The following PRMT8 variants were observed in gnomAD, a reference collection of about 807,000 sequenced individuals.
PRMT8 encodes protein arginine N-methyltransferase 8.
A neutral mutation model predicts 47.1 loss-of-function variants in PRMT8; 7 were observed. The ratio of observed to expected loss-of-function variants is 0.15; its 90% CI spans 0.08 to 0.28. The LOEUF is 0.28. Among genes scored for constraint, PRMT8 ranks in the 10% least tolerant of loss-of-function variants. The pLI is 1.00. For synonymous variants in PRMT8, 188 were observed against 186.5 expected, an observed-to-expected ratio of 1.01 and a Z score of -0.07; for missense variants, 237 against 505.4, an observed-to-expected ratio of 0.47 and a Z score of 5.09.
At position 3,533,181 on chromosome 12, in the gene PRMT8, A is replaced by G. The variant is rs147063974; in HGVS notation, c.76-7425A>G. 8.9e-3 allele frequency among the ~76,000 whole-genome samples: 1,356 copies of G among 152,322 alleles called. 12 individuals are homozygous for G. The highest frequency in any genetic ancestry group is 0.03 in the African/African-American group (1,237 of 41,564). On this transcript the variant is annotated intron_variant, in intron 1 of 9. Coordinates refer to ENST00000382622, the MANE Select transcript of PRMT8 (RefSeq NM_019854.5). Reference sequence around the variant, plus strand: ...GACAGGCATCAGTGGCTTGCCCCCAACATCCAGGCCTGGAAAAGGCAGATC... The same window carrying G: ...GACAGGCATCAGTGGCTTGCCCCCAGCATCCAGGCCTGGAAAAGGCAGATC...
At chr12:3,536,042 G>A (rs1866112199) in intron 1 of PRMT8, among the ~76,000 whole-genome samples, 1 of 152,100 alleles carries the variant, frequency 6.6e-6, no homozygotes, top group South Asian at 2.1e-4. Context: ...TATATCTCTT[G>A]GAGATGCATC....
At chr12:3,460,050 A>G (rs532630896) in intron 1 of PRMT8, among the ~76,000 whole-genome samples, 1 of 152,202 alleles carries the variant, frequency 6.6e-6, no homozygotes, top group African/African-American at 2.4e-5. Flanking sequence ...TTACTTTTCT[A>G]TGATCCCTCT....
At chr12:3,561,008 C>T (rs1866627198) in intron 4 of PRMT8, among the ~76,000 whole-genome samples, 1 of 152,140 alleles carries the variant, frequency 6.6e-6, no homozygotes, top group African/African-American at 2.4e-5. Flanking sequence ...TGATTCTTGG[C>T]CACACACTCC....
At chr12:3,406,941 A>T (rs779477426) in intron 1 of PRMT8, among the ~76,000 whole-genome samples, 1 of 152,160 alleles carries the variant, frequency 6.6e-6, no homozygotes, top group African/African-American at 2.4e-5. Context: ...CTTGGTACCA[A>T]TTACTGTATT....
At chr12:3,381,841 C>T (rs2137041078) in intron 1 of PRMT8, among the ~76,000 whole-genome samples, 1 of 152,282 alleles carries the variant, frequency 6.6e-6, no homozygotes, top group Non-Finnish European at 1.5e-5. Flanking sequence ...CTCTGTTGCC[C>T]TTCATAGCCA....
rs544543920 is a variant in PRMT8, at chr12:3,590,059, T to C, written c.980-2172T>C. Among the ~76,000 whole-genome samples, 29 of 152,302 alleles carry C rather than the reference T, an allele frequency of 1.9e-4. 1 individual carries two copies. In the East Asian group the frequency reaches 5.2e-3, roughly 27 times the overall value. On this transcript the variant is annotated intron_variant, in intron 8 of 9. Transcript: ENST00000382622. ...GGTTGTTGGGAGCAGGTGGACTTTG[T>C]CTGCAGACAGCAGTATGCCCTGAAG... is the stretch of plus-strand genomic sequence containing the variant.
chr12:3,422,168 C>A (rs1438427224), intron 1 of PRMT8, among the ~76,000 whole-genome samples: 1 of 152,212 alleles, frequency 6.6e-6, no homozygotes, highest in African/African-American at 2.4e-5. Context: ...TAAAATGATC[C>A]CCAAGTGCAT....
intron 1 of PRMT8, among the ~76,000 whole-genome samples, chr12:3,430,899 G>T (rs894394883): frequency 3.3e-5 from 5 of 152,216 alleles, no homozygotes; most frequent in Admixed American, 1.3e-4. Flanking sequence ...AGCATCAGCA[G>T]GAGTAGAGAT....
upstream of PRMT8, among the ~76,000 whole-genome samples, chr12:3,490,675 A>AGAGAGAGAGAGAGAGAGAGAGAG (rs1865374699): frequency 2.5e-5 from 3 of 121,084 alleles, no homozygotes; most frequent in Non-Finnish European, 3.5e-5. Context: ...TTTGGGTACA[A>AGAGAGAGAGAGAGAGAGAGAGAG]AGAGAGAGAG....
At chr12:3,473,096 A>T (rs1190159919) in intron 1 of PRMT8, among the ~76,000 whole-genome samples, 1 of 152,128 alleles carries the variant, frequency 6.6e-6, no homozygotes, top group Non-Finnish European at 1.5e-5. Flanking sequence ...TGTCCCTATG[A>T]AACTGTGGCC....
chr12:3,449,858 T>C (rs1243848527), intron 1 of PRMT8, among the ~76,000 whole-genome samples: 2 of 152,226 alleles, frequency 1.3e-5, no homozygotes, highest in Non-Finnish European at 2.9e-5. Context: ...TTTATAGTTT[T>C]GGGTTTTACA....
intron 1 of PRMT8, among the ~76,000 whole-genome samples, chr12:3,386,203 C>A (rs755887322): frequency 1.1e-4 from 17 of 152,190 alleles, no homozygotes; most frequent in Admixed American, 3.3e-4. Flanking sequence ...CTGAGCAATC[C>A]TGCAGCATGG....
chr12:3,441,242 T>TC (rs1864798541), intron 1 of PRMT8, among the ~76,000 whole-genome samples: 1 of 152,196 alleles, frequency 6.6e-6, no homozygotes, highest in Admixed American at 6.5e-5. Flanking sequence ...TTAAGAACTT[T>TC]TTTTTACTTT....
rs182303268 is a variant in PRMT8 at position 3,549,723 on chromosome 12, T to C, written c.262-213T>C. Reference sequence around the variant, plus strand: ...TTTCTCTTCTGATGGTGAATAGCTATCTTTCTGAGTAGAGTTTTAAGGCAG... The same window carrying C: ...TTTCTCTTCTGATGGTGAATAGCTACCTTTCTGAGTAGAGTTTTAAGGCAG... On this transcript the variant is annotated intron_variant, in intron 2 of 9. Transcript: ENST00000382622. Among the ~76,000 whole-genome samples, 14 of 152,324 alleles carry C rather than the reference T, an allele frequency of 9.2e-5. No individual in the cohort carries two copies. In the East Asian group the frequency reaches 2.7e-3, roughly 29 times the overall value.
At chr12:3,386,665 C>T (rs1481845243) in intron 1 of PRMT8, among the ~76,000 whole-genome samples, 5 of 152,082 alleles carry the variant, frequency 3.3e-5, no homozygotes, top group African/African-American at 4.8e-5. Flanking sequence ...TTACAAGCCA[C>T]ACAGTGTTCA....
chr12:3,457,747 G>T (rs1864990429), intron 1 of PRMT8, among the ~76,000 whole-genome samples: 1 of 151,490 alleles, frequency 6.6e-6, no homozygotes, highest in Non-Finnish European at 1.5e-5. Context: ...GAAGAATAAT[G>T]TAGGAAACCA....
At chr12:3,435,244 T>C (rs1258802155) in intron 1 of PRMT8, among the ~76,000 whole-genome samples, 9 of 152,088 alleles carry the variant, frequency 5.9e-5, no homozygotes, top group Admixed American at 1.3e-4. Flanking sequence ...GCTGGGATTA[T>C]AGGCATGAGC....
At chr12:3,470,125 ATTTCAAAATTGCCAACCT>A (rs1250139472) in intron 1 of PRMT8, among the ~76,000 whole-genome samples, 1 of 152,096 alleles carries the variant, frequency 6.6e-6, no homozygotes, top group Non-Finnish European at 1.5e-5. Context: ...ATAAAAAAAA[ATTTCAAAATTGCCAACCT>A]TTTAAAGAAA....
rs182221645 is a variant in PRMT8, at chr12:3,386,835, G to A, written c.48+5393G>A. Among the ~76,000 whole-genome samples, 361 of 151,748 alleles carry A rather than the reference G, an allele frequency of 2.4e-3. 1 individual carries two copies. The highest frequency in any genetic ancestry group is 8.3e-3 in the African/African-American group (343 of 41,344). On this transcript the variant is annotated intron_variant, in intron 1 of 9. Coordinates refer to the PRMT8 transcript ENST00000452611. ...AACGATTCTCCTGCCTCAGCCTCCCGAGTAGCTGAGATTACAGGCGCCTGC... is the reference window on the plus strand; with the variant it reads ...AACGATTCTCCTGCCTCAGCCTCCCAAGTAGCTGAGATTACAGGCGCCTGC...
Sources: gnomAD v4.1 joint callset for allele counts (sites outside exome capture counted in the v4.1 genomes callset) on GRCh38, gnomAD v4.1.1 for gene constraint, MANE v1.5 for transcripts, NCBI Gene and HGNC (gene_info 2026-07-23, HGNC 2026-07-21) for gene names.